BDP1: variants seen among roughly 807,000 people sequenced by gnomAD.
The protein encoded by BDP1 is BDP1 general transcription factor IIIB subunit, also known as transcription factor TFIIIB component B'' homolog.
A neutral mutation model predicts 266.6 loss-of-function variants in BDP1; 169 were observed. The observed-to-expected ratio is 0.63, with a 90% CI of 0.56 to 0.72. The LOEUF (loss-of-function observed/expected upper bound fraction) is 0.72. Among genes scored for constraint, BDP1 ranks in the 30% least tolerant of loss-of-function variants. The probability of loss-of-function intolerance (pLI) is 0.00; values close to 1 mark genes in which losing one functional copy is unlikely to be tolerated. For synonymous variants in BDP1, 1,090 were observed against 1,022.4 expected, an observed-to-expected ratio of 1.07 and a Z score of -1.26; for missense variants, 3,015 against 3,053.8, an observed-to-expected ratio of 0.99 and a Z score of 0.30.
intron 17 of BDP1, 92 bp from the exon 18 acceptor site, chr5:71,512,149 A>T (rs1388597064): frequency 8.4e-6 from 5 of 595,576 alleles, no homozygotes; most frequent in African/African-American, 1.9e-5. Flanking sequence ...TTTAAAGGAA[A>T]GTGTTTAGAA....
At chr5:71,501,084 A>AT (rs1764203650) in intron 13 of BDP1, among the ~76,000 whole-genome samples, 2 of 141,634 alleles carry the variant, frequency 1.4e-5, no homozygotes, top group Non-Finnish European at 3.1e-5. Context: ...GCGACAGAGC[A>AT]TGACCCTGTC....
intron 9 of BDP1, among the ~76,000 whole-genome samples, chr5:71,488,921 T>A (rs1468182311): frequency 6.6e-6 from 1 of 151,888 alleles, no homozygotes; most frequent in Non-Finnish European, 1.5e-5. Flanking sequence ...TTGGCCAGGC[T>A]GGTCTCGAAC....
Position 71,491,011 on chromosome 5 carries a change from T to G in BDP1, c.1520T>G (p.Leu507Arg). The change falls in exon 11 of 39, where the codon CTA becomes CGA. Residue 507 changes from leucine to arginine, a missense_variant. Physicochemically the swap from Leu to Arg is moderately radical, Grantham distance 102. Around this residue, in one of 3 missense-constraint regions of BDP1, gnomAD observed 2,383 missense variants for 2,404.9 expected, o/e 0.99. Transcript: ENST00000358731. ...AAATGTCAGGCTATAAGGCCTGAGC[T>G]AAAGGAAGGTGAATGCAGTAAGGAG... ...KNKCQAIRPE[L>R]KEGECSKEQM... The G allele has an allele frequency of 6.2e-7, 1 of 1,612,982 alleles. No individual in the cohort carries two copies.
At chr5:71,559,901 G>A in intron 36 of BDP1, 81 bp from the exon 37 acceptor site, 2 of 1,410,292 alleles carry the variant, frequency 1.4e-6, no homozygotes, top group Non-Finnish European at 1.9e-6. Context: ...AGAATACCAT[G>A]GGTTTCTTTT....
chr5:71,481,396 A>T (rs1200826145), intron 7 of BDP1, among the ~76,000 whole-genome samples: 8 of 146,538 alleles, frequency 5.5e-5, no homozygotes, highest in African/African-American at 2.0e-4. Flanking sequence ...ACAAAGAAAA[A>T]AAAAAAAAAA....
Position 71,467,459 on chromosome 5 carries a change from C to G in BDP1, c.891C>G (p.Asn297Lys). Reference sequence around the variant, plus strand: ...CTACATACTCCAGCTTTAGGAAAAACTATTACTCTAAACCATGGTCAAATA... The same window carrying G: ...CTACATACTCCAGCTTTAGGAAAAAGTATTACTCTAAACCATGGTCAAATA... ...STTTYSSFRK[N>K]YYSKPWSNKE... is the part of the protein sequence containing the mutation. The change falls in exon 6 of 39, where the codon AAC (asparagine) becomes AAG (lysine). Residue 297 changes from asparagine to lysine, a missense_variant. Coordinates refer to ENST00000358731, the MANE Select transcript of BDP1 (RefSeq NM_018429.3). 1 of 1,607,578 alleles carries G rather than the reference C, an allele frequency of 6.2e-7. No homozygotes were observed. Among genetic ancestry groups the G allele is most frequent in the East Asian group, 2.2e-5 (1 of 44,800 alleles).
At chr5:71,520,606 T>C (rs149698592) in intron 22 of BDP1, among the ~76,000 whole-genome samples, 1 of 152,288 alleles carries the variant, frequency 6.6e-6, no homozygotes, top group East Asian at 1.9e-4. Flanking sequence ...CAAAGAATTA[T>C]AGAATTTTAC....
At chr5:71,519,232 T>C (rs1182486116) in intron 22 of BDP1, among the ~76,000 whole-genome samples, 3 of 152,194 alleles carry the variant, frequency 2.0e-5, no homozygotes, top group Non-Finnish European at 2.9e-5. Context: ...CTACATGTGA[T>C]ATTTTGATAC....
Position 71,524,210 on chromosome 5 carries a change from G to A in BDP1, c.5659G>A (p.Glu1887Lys). Reference protein sequence around the residue: ...DADDFESDYEEESYHLAPEEV... With the variant: ...DADDFESDYEKESYHLAPEEV... ...TGACGATTTTGAGTCTGACTATGAG[G>A]AAGAAAGCTATCATCTTGCTCCCGA... Residue 1887 changes from glutamate to lysine, a missense_variant, in exon 25 of 39, where the codon GAA becomes AAA. By Grantham distance (56) the Glu-to-Lys change is moderately conservative. Coordinates refer to ENST00000358731, the MANE Select transcript of BDP1 (RefSeq NM_018429.3). 1 of 1,614,186 alleles carries A rather than the reference G, an allele frequency of 6.2e-7. No homozygotes were observed. Among genetic ancestry groups the A allele is most frequent in the South Asian group, 1.1e-5 (1 of 91,084 alleles).
intron 19 of BDP1, among the ~76,000 whole-genome samples, chr5:71,514,690 C>G (rs1765127382): frequency 6.6e-6 from 1 of 151,910 alleles, no homozygotes; most frequent in Admixed American, 6.6e-5. Context: ...TGTTTTATTT[C>G]TGATTTTTTT....
intron 32 of BDP1, among the ~76,000 whole-genome samples, chr5:71,547,580 CCTGTAGTTTTAATATCCA>C (rs1742427260): frequency 6.6e-6 from 1 of 152,096 alleles, no homozygotes; most frequent in Non-Finnish European, 1.5e-5. Flanking sequence ...AAGCTGTTAC[CCTGTAGTTTTAATATCCA>C]CTGATGATTC....
chr5:71,481,391 GAA>G (rs58798987), intron 7 of BDP1, among the ~76,000 whole-genome samples: 232 of 63,852 alleles, frequency 3.6e-3, no homozygotes, highest in East Asian at 0.017. Context: ...TCTCTACAAA[GAA>G]AAAAAAAAAA....
In BDP1 at chr5:71,510,317, G is replaced by T. The variant is rs1053291822; in HGVS notation, c.3225G>T (p.Gly1075=). The T allele has an allele frequency of 5.0e-6, 8 of 1,613,666 alleles. No individual in the cohort carries two copies. The highest frequency in any genetic ancestry group is 5.9e-6 in the Non-Finnish European group (7 of 1,179,952). ...KATGRDSFPR[G]KTPEVIDAIE... ...CTGGAAGAGACAGTTTCCCAAGGGG[G>T]AAGACACCAGAGGTGATTGATGCCA... The change falls in exon 17 of 39, where the codon GGG becomes GGT. Residue 1075 remains glycine (G), a synonymous_variant. Transcript: ENST00000358731.
At chr5:71,552,186 C>T (rs1479075817) in intron 34 of BDP1, among the ~76,000 whole-genome samples, 7 of 121,826 alleles carry the variant, frequency 5.7e-5, no homozygotes, top group African/African-American at 1.3e-4. Context: ...CAGACAGGGT[C>T]GCGGCCGGGC....
At chr5:71,462,531 G>A (rs1321956838) in intron 3 of BDP1, among the ~76,000 whole-genome samples, 2 of 151,990 alleles carry the variant, frequency 1.3e-5, no homozygotes, top group South Asian at 4.2e-4. Flanking sequence ...AGGTGTGTGG[G>A]CCGCCTGAGT....
At chr5:71,502,154 A>G (rs1440006755) in intron 14 of BDP1, among the ~76,000 whole-genome samples, 1 of 148,956 alleles carries the variant, frequency 6.7e-6, no homozygotes, top group Non-Finnish European at 1.5e-5. Context: ...CTTTTTCAAG[A>G]GGGCTTCCAG....
In BDP1 at chr5:71,513,524, T is replaced by C. The variant is rs1481658268; in HGVS notation, c.4470+117T>C. ...ACAAATATTTCTGTGTAATTTTTGC[T>C]GCATGTGATATTGCTCCCATGCTTA... On this transcript the variant is annotated intron_variant, in intron 19 of 38. Transcript: ENST00000358731. 3.5e-5 allele frequency: 24 copies of C among 693,710 alleles called. No homozygotes were observed. In the East Asian group the frequency reaches 6.2e-4, roughly 18 times the overall value. The allele number at this position is 693,710 out of a possible 1,614,324, so 43.0% of individuals were successfully genotyped here.
At chr5:71,534,783 A>G (rs1450145703) in intron 26 of BDP1, among the ~76,000 whole-genome samples, 1 of 152,150 alleles carries the variant, frequency 6.6e-6, no homozygotes, top group Non-Finnish European at 1.5e-5. Flanking sequence ...CTGGGATTAC[A>G]GGCATATGCC....
chr5:71,575,674 A>C, the BDP1 span, among the ~76,000 whole-genome samples: 1 of 152,206 alleles, frequency 6.6e-6, no homozygotes, highest in African/African-American at 2.4e-5. Flanking sequence ...CATGAGAAGG[A>C]TAAGCCTCAA....
Sources: gnomAD v4.1 joint callset for allele counts (sites outside exome capture counted in the v4.1 genomes callset) on GRCh38, gnomAD v4.1.1 for gene constraint, gnomAD v4.1.1 regional missense constraint, MANE v1.5 for transcripts, NCBI Gene and HGNC (gene_info 2026-07-23, HGNC 2026-07-21) for gene names.